The following SAMMSON variants were observed in gnomAD, a reference collection of about 807,000 sequenced individuals.
SAMMSON encodes the protein long intergenic non-protein coding RNA 1212.
At chr3:70,307,537 C>T (rs1559559922) in intron 7 of SAMMSON, among the ~76,000 whole-genome samples, 1 of 152,028 alleles carries the variant, frequency 6.6e-6, no homozygotes. Flanking sequence ...AACAATTTTT[C>T]CTCCATAAAG....
At chr3:70,394,746 A>G (rs1191260869), downstream of SAMMSON, among the ~76,000 whole-genome samples, 10 of 152,114 alleles carry the variant, frequency 6.6e-5, no homozygotes, top group Non-Finnish European at 1.5e-4. Flanking sequence ...TCACGTCCAA[A>G]CTTTTCAGAC....
chr3:70,201,620 T>C (rs756112052), intron 4 of SAMMSON, among the ~76,000 whole-genome samples: 1 of 152,166 alleles, frequency 6.6e-6, no homozygotes, highest in Non-Finnish European at 1.5e-5. Flanking sequence ...CCAGGAAACA[T>C]AGGCTATTGC....
intron 7 of SAMMSON, among the ~76,000 whole-genome samples, chr3:70,303,547 C>T (rs1318009073): frequency 6.6e-6 from 1 of 152,192 alleles, no homozygotes; most frequent in Non-Finnish European, 1.5e-5. Flanking sequence ...GCTACTCTTG[C>T]ATTTTCCAAT....
chr3:70,080,213 A>G (rs1013265977), intron 4 of SAMMSON, among the ~76,000 whole-genome samples: 2 of 152,140 alleles, frequency 1.3e-5, no homozygotes, highest in African/African-American at 2.4e-5. Context: ...GAGTTGTACA[A>G]CCCTTCTAGG....
rs1019945233 is a variant in SAMMSON, at chr3:70,359,200, A to G, written n.913+876A>G. On this transcript the variant is annotated intron_variant and non_coding_transcript_variant, in intron 9 of 9. Coordinates refer to ENST00000642114, the Ensembl canonical transcript of SAMMSON. ...TTCCTGAAATACACACTTTGCCTCT[A>G]CTTACAGGGACAAGTTGTAGGTGGT... 2.0e-5 allele frequency among the ~76,000 whole-genome samples: 3 copies of G among 152,264 alleles called. No individual in the cohort carries two copies. The South Asian group carries it at 6.2e-4, about 32-fold the overall frequency.
At chr3:70,404,530 A>G (rs1237710271) in intron 2 of SAMMSON, among the ~76,000 whole-genome samples, 1 of 152,164 alleles carries the variant, frequency 6.6e-6, no homozygotes, top group Non-Finnish European at 1.5e-5. Flanking sequence ...AATTATGGTA[A>G]GGATTATATA....
intron 4 of SAMMSON, among the ~76,000 whole-genome samples, chr3:70,175,510 A>T (rs1392166121): frequency 6.6e-6 from 1 of 152,102 alleles, no homozygotes; most frequent in Non-Finnish European, 1.5e-5. Context: ...AAGCAGAAGG[A>T]ATAGATCTAG....
At chr3:70,269,414 C>G (rs1166290741) in intron 6 of SAMMSON, among the ~76,000 whole-genome samples, 1 of 152,156 alleles carries the variant, frequency 6.6e-6, no homozygotes, top group Non-Finnish European at 1.5e-5. Flanking sequence ...TGAGTTTTGG[C>G]CAATCAAAGG....
At chr3:70,192,073 A>C (rs1251580876) in intron 4 of SAMMSON, among the ~76,000 whole-genome samples, 3 of 152,134 alleles carry the variant, frequency 2.0e-5, no homozygotes, top group Non-Finnish European at 2.9e-5. Flanking sequence ...CTATATACTA[A>C]GAGTGTAAGG....
intron 3 of SAMMSON, among the ~76,000 whole-genome samples, chr3:70,022,591 C>G (rs1477889190): frequency 6.6e-6 from 1 of 152,104 alleles, no homozygotes; most frequent in Non-Finnish European, 1.5e-5. Flanking sequence ...ATCTATGTAG[C>G]ACTCTGACTT....
At chr3:70,041,312 T>G (rs942081655) in intron 3 of SAMMSON, among the ~76,000 whole-genome samples, 5 of 152,116 alleles carry the variant, frequency 3.3e-5, no homozygotes, top group African/African-American at 1.2e-4. Flanking sequence ...AGGGCAAGTG[T>G]GATAGGAATC....
At chr3:70,348,690 C>G (rs902296958) in intron 7 of SAMMSON, among the ~76,000 whole-genome samples, 1 of 152,080 alleles carries the variant, frequency 6.6e-6, no homozygotes, top group Non-Finnish European at 1.5e-5. Context: ...GGTATTGGAA[C>G]AGCATAGAAG....
chr3:70,012,902 A>T (rs543660788), intron 2 of SAMMSON, among the ~76,000 whole-genome samples: 51 of 152,248 alleles, frequency 3.3e-4, no homozygotes, highest in Non-Finnish European at 2.2e-4. Flanking sequence ...TCTACCATAC[A>T]AGGAAGCACC....
chr3:70,228,052 A>G (rs563709426), intron 4 of SAMMSON, among the ~76,000 whole-genome samples: 1 of 151,898 alleles, frequency 6.6e-6, no homozygotes, highest in African/African-American at 2.4e-5. Context: ...TCCAACAGAG[A>G]ATCTTAATGA....
At chr3:70,302,920 A>T (rs926288682) in intron 7 of SAMMSON, among the ~76,000 whole-genome samples, 3 of 152,160 alleles carry the variant, frequency 2.0e-5, no homozygotes, top group Non-Finnish European at 4.4e-5. Flanking sequence ...AATTTTAACC[A>T]TCAGCAGTAG....
At chr3:70,250,409 TCTCACACACACACACACACA>T (rs1382420858) in intron 6 of SAMMSON, among the ~76,000 whole-genome samples, 18 of 126,222 alleles carry the variant, frequency 1.4e-4, no homozygotes, top group African/African-American at 4.9e-4. Context: ...TTTTAATGAA[TCTCACACACACACACACACA>T]CACACACACA....
At chr3:70,045,642 C>T (rs915523602) in intron 3 of SAMMSON, among the ~76,000 whole-genome samples, 1 of 152,044 alleles carries the variant, frequency 6.6e-6, no homozygotes, top group East Asian at 1.9e-4. Context: ...ATTCATTTCT[C>T]ACTCCAAAGT....
intron 4 of SAMMSON, among the ~76,000 whole-genome samples, chr3:70,155,475 C>T (rs2067588574): frequency 6.6e-6 from 1 of 152,000 alleles, no homozygotes; most frequent in South Asian, 2.1e-4. Context: ...TGTGAGCCTT[C>T]TCAAACAGTA....
At chr3:70,414,485 G>C (rs116129404) in intron 2 of SAMMSON, among the ~76,000 whole-genome samples, 611 of 152,228 alleles carry the variant, frequency 4.0e-3, no homozygotes, top group Non-Finnish European at 6.5e-3. Context: ...CCTGCACTTA[G>C]TAAGACTGTC....
Sources: gnomAD v4.1 joint callset for allele counts (sites outside exome capture counted in the v4.1 genomes callset) on GRCh38, gnomAD v4.1.1 for gene constraint, MANE v1.5 for transcripts, NCBI Gene and HGNC (gene_info 2026-07-23, HGNC 2026-07-21) for gene names.